The following PREX2 variants were observed in gnomAD, a reference collection of about 807,000 sequenced individuals.
PREX2 encodes the protein phosphatidylinositol 3,4,5-trisphosphate-dependent Rac exchanger 2 protein.
PREX2 carries 107 observed loss-of-function variants against 203.2 expected under a neutral mutation model. That is an observed-to-expected ratio of 0.53 (90% CI 0.45 to 0.62). The LOEUF (loss-of-function observed/expected upper bound fraction) is 0.62, where lower values mean the gene tolerates loss of function less well. PREX2 is among the 20% of genes least tolerant of loss of function. The probability of loss-of-function intolerance (pLI) is 0.00; values close to 1 mark genes in which losing one functional copy is unlikely to be tolerated. For missense variants in PREX2, 1,777 were observed against 1,955.9 expected (o/e 0.91, Z 1.72); for synonymous variants, 672 against 663.6 (o/e 1.01, Z -0.19).
chr8:68,120,974 C>G lies in PREX2; in HGVS notation c.3649C>G (p.His1217Asp). 1 of 1,613,710 alleles carries G rather than the reference C, an allele frequency of 6.2e-7. No individual in the cohort carries two copies. The highest frequency in any genetic ancestry group is 8.5e-7 in the Non-Finnish European group (1 of 1,179,692). The change falls in exon 30 of 40, where the codon CAT becomes GAT. Residue 1217 changes from histidine to aspartate, a missense_variant. By Grantham distance (81) the His-to-Asp change is moderately conservative (BLOSUM62 -1). Coordinates refer to ENST00000288368, the MANE Select transcript of PREX2 (RefSeq NM_024870.4). ...GAGTTGTCCAAAAAGGCTACGGCTTCATATCAAGCAAGATCCTTGGAATCT... is the reference window on the plus strand; with the variant it reads ...GAGTTGTCCAAAAAGGCTACGGCTTGATATCAAGCAAGATCCTTGGAATCT... ...KLSCPKRLRL[H>D]IKQDPWNLPS... is the part of the protein sequence containing the mutation.
At chr8:68,191,660 C>T in intron 35 of PREX2, 62 bp from the exon 36 acceptor site, 1 of 1,173,274 alleles carries the variant, frequency 8.5e-7, no homozygotes, top group Non-Finnish European at 1.3e-6. Flanking sequence ...TCTTGAACAT[C>T]TTCATGCATA....
Position 68,233,820 on chromosome 8 carries a change from C to T in PREX2, c.*2442C>T, listed in dbSNP as rs1289935691. On this transcript the variant is annotated 3_prime_UTR_variant, in exon 40 of 40. Transcript: ENST00000288368. ...CCAAAATTTGAACCCAGGAAGTCTG[C>T]CTTCTTAATGCATTATGCTACTTTT... is the stretch of plus-strand genomic sequence containing the variant. 1 of 152,088 alleles carries T rather than the reference C, an allele frequency of 6.6e-6. No individual in the cohort carries two copies. Among genetic ancestry groups the T allele is most frequent in the Non-Finnish European group, 1.5e-5 (1 of 68,020 alleles). The allele number at this position is 152,088 out of a possible 1,614,324, so 9.4% of individuals were successfully genotyped here. A position where few individuals can be genotyped will look rare whatever the true frequency, so the allele number is the denominator to read the frequency against.
At chr8:68,228,991 C>A (rs1443699230) in intron 39 of PREX2, among the ~76,000 whole-genome samples, 1 of 111,684 alleles carries the variant, frequency 9.0e-6, no homozygotes, top group Non-Finnish European at 1.8e-5. Context: ...GGCTATGTGA[C>A]CTTATTTAGT....
At chr8:68,069,759 TTTG>T in intron 12 of PREX2, 73 bp from the exon 13 acceptor site, 3 of 665,778 alleles carry the variant, frequency 4.5e-6, no homozygotes, top group Non-Finnish European at 5.2e-6. Flanking sequence ...AGTGAATTAA[TTTG>T]TTACTTCAAA....
chr8:68,077,334 A>G, intron 14 of PREX2, 63 bp from the exon 15 acceptor site: 1 of 1,173,458 alleles, frequency 8.5e-7, no homozygotes. Flanking sequence ...TGTTAAATGG[A>G]GCAAAGCTGC....
intron 35 of PREX2, among the ~76,000 whole-genome samples, chr8:68,172,915 T>A (rs1171049308): frequency 2.0e-5 from 3 of 152,222 alleles, no homozygotes; most frequent in African/African-American, 7.2e-5. Flanking sequence ...TTTGCTCAAA[T>A]AGTGTGATTA....
chr8:68,175,387 G>A (rs1294195488), intron 35 of PREX2, among the ~76,000 whole-genome samples: 1 of 152,168 alleles, frequency 6.6e-6, no homozygotes, highest in Non-Finnish European at 1.5e-5. Context: ...TGACTTCTAA[G>A]TGGGGCAGGC....
intron 17 of PREX2, among the ~76,000 whole-genome samples, chr8:68,081,351 G>A (rs1440140535): frequency 1.3e-5 from 2 of 152,142 alleles, no homozygotes; most frequent in Non-Finnish European, 2.9e-5. Flanking sequence ...CCTTTTGTGC[G>A]TCTGGTTCCT....
chr8:68,081,480 G>C (rs961741054), intron 17 of PREX2, among the ~76,000 whole-genome samples: 1 of 152,060 alleles, frequency 6.6e-6, no homozygotes, highest in Non-Finnish European at 1.5e-5. Flanking sequence ...TTTGTCCCTG[G>C]AGCTTCACTA....
intron 34 of PREX2, 66 bp from the exon 35 acceptor site, chr8:68,157,256 T>G (rs1811559550): frequency 3.9e-6 from 3 of 764,276 alleles, no homozygotes; most frequent in Non-Finnish European, 6.3e-6. Context: ...ATCAATAAAA[T>G]TATACTACAC....
At chr8:68,041,069 A>C (rs980075572) in intron 7 of PREX2, among the ~76,000 whole-genome samples, 15 of 152,142 alleles carry the variant, frequency 9.9e-5, no homozygotes, top group Non-Finnish European at 1.5e-5. Context: ...AAGTTTCCTG[A>C]GCCTTTATGT....
chr8:68,125,293 T>C (rs1810864722), intron 30 of PREX2, among the ~76,000 whole-genome samples: 1 of 152,162 alleles, frequency 6.6e-6, no homozygotes, highest in African/African-American at 2.4e-5. Context: ...TCTTGGAACT[T>C]AATTTAACCT....
rs576366502 is a variant in PREX2, at chr8:68,110,428, T to C, written c.3146+805T>C. Among the ~76,000 whole-genome samples, 9 of 152,318 alleles carry C rather than the reference T, an allele frequency of 5.9e-5. No individual in the cohort carries two copies. The South Asian group carries it at 1.9e-3, about 32-fold the overall frequency. Reference sequence around the variant, plus strand: ...GTCATGAAAATTATACAAATTAATATAGAAAGTAATCAGCACACTGCCTAA... The same window carrying C: ...GTCATGAAAATTATACAAATTAATACAGAAAGTAATCAGCACACTGCCTAA... On this transcript the variant is annotated intron_variant, in intron 25 of 39. Transcript: ENST00000288368.
intron 34 of PREX2, among the ~76,000 whole-genome samples, chr8:68,150,634 G>C (rs1811414730): frequency 6.6e-6 from 1 of 152,150 alleles, no homozygotes; most frequent in Admixed American, 6.5e-5. Context: ...TGATGATTAG[G>C]GTGGAGCAGC....
At chr8:68,152,865 C>G (rs998903964) in intron 34 of PREX2, among the ~76,000 whole-genome samples, 1 of 152,134 alleles carries the variant, frequency 6.6e-6, no homozygotes, top group Non-Finnish European at 1.5e-5. Context: ...TTATGGATCT[C>G]CACAGGAGTG....
chr8:68,118,454 T>C, intron 26 of PREX2, 96 bp from the exon 27 acceptor site: 1 of 723,680 alleles, frequency 1.4e-6, no homozygotes, highest in East Asian at 2.6e-5. Context: ...TAAAACATAC[T>C]AATAAATATA....
At chr8:68,034,479 A>G (rs1368772054) in intron 6 of PREX2, among the ~76,000 whole-genome samples, 1 of 152,142 alleles carries the variant, frequency 6.6e-6, no homozygotes, top group African/African-American at 2.4e-5. Flanking sequence ...ATTCAGCTTT[A>G]AGTCCTTGAT....
Position 68,146,193 on chromosome 8 carries a change from T to G in PREX2, c.4088-16T>G. 6.3e-7 allele frequency: 1 copy of G among 1,585,148 alleles called. No homozygotes were observed. The highest frequency in any genetic ancestry group is 8.6e-7 in the Non-Finnish European group (1 of 1,159,000). ...CCTTATTTTAGGAAGTAATATACTA[T>G]TAAATATCATTTTAGATGTTCCTCT... is the stretch of plus-strand genomic sequence containing the variant. On this transcript the variant is annotated splice_polypyrimidine_tract_variant and intron_variant, in intron 33 of 39. Transcript: ENST00000288368.
At chr8:68,013,457 G>A (rs150951180) in intron 1 of PREX2, among the ~76,000 whole-genome samples, 130 of 152,176 alleles carry the variant, frequency 8.5e-4, no homozygotes, top group Middle Eastern at 6.8e-3. Context: ...GACCCAACAG[G>A]TCCAGAACAA....
Sources: allele counts gnomAD v4.1 joint callset (sites outside exome capture counted in the v4.1 genomes callset), GRCh38; gene constraint gnomAD v4.1.1; transcripts MANE v1.5; gene names NCBI Gene and HGNC (gene_info 2026-07-23, HGNC 2026-07-21).